Variants in GRID2 observed in about 807,000 individuals in gnomAD.
GRID2 encodes glutamate receptor ionotropic, delta-2.
Under a neutral mutation model 114.8 loss-of-function variants are expected in GRID2, and 33 were observed. That is an observed-to-expected ratio of 0.29 (90% CI 0.22 to 0.38). The LOEUF is 0.38. Among genes scored for constraint, GRID2 ranks in the 10% least tolerant of loss-of-function variants. GRID2 has a pLI of 1.00. For missense variants in GRID2, 1,184 were observed against 1,257.7 expected, an observed-to-expected ratio of 0.94 and a Z score of 0.89; for synonymous variants, 505 against 449.9, an observed-to-expected ratio of 1.12 and a Z score of -1.55.
At chr4:92,436,340 C>G (rs72882137) in intron 1 of GRID2, among the ~76,000 whole-genome samples, 2,683 of 152,088 alleles carry the variant, frequency 0.018, 75 homozygotes, top group African/African-American at 0.061. Context: ...TTAAAAATTT[C>G]TCAAAATACT....
At chr4:93,217,185 C>T (rs1744323820) in intron 6 of GRID2, 1 of 220,490 alleles carries the variant, frequency 4.5e-6, no homozygotes, top group Non-Finnish European at 8.9e-6. Context: ...ACATTTCCCA[C>T]AGGAGAATTT....
intron 1 of GRID2, among the ~76,000 whole-genome samples, chr4:92,477,039 ATG>A (rs70940894): frequency 0.091 from 10,867 of 118,858 alleles, 488 homozygotes; most frequent in East Asian, 0.15. Context: ...ATTTAACTTC[ATG>A]TGTGTGTGTG....
At chr4:92,808,675 A>C (rs1358462382) in intron 2 of GRID2, among the ~76,000 whole-genome samples, 1 of 152,056 alleles carries the variant, frequency 6.6e-6, no homozygotes, top group Non-Finnish European at 1.5e-5. Context: ...AAATAACTGA[A>C]GTATTGGGTT....
At chr4:93,450,723 A>T (rs1341703856) in intron 10 of GRID2, among the ~76,000 whole-genome samples, 1 of 151,812 alleles carries the variant, frequency 6.6e-6, no homozygotes, top group African/African-American at 2.4e-5. Context: ...AAATAATTTT[A>T]AAAATGTATT....
At chr4:92,918,142 G>C (rs1480042133) in intron 2 of GRID2, among the ~76,000 whole-genome samples, 1 of 151,960 alleles carries the variant, frequency 6.6e-6, no homozygotes, top group African/African-American at 2.4e-5. Flanking sequence ...TCATGATTTG[G>C]CTCTCTGTTT....
intron 2 of GRID2, among the ~76,000 whole-genome samples, chr4:92,641,922 A>T (rs78707292): frequency 6.7e-6 from 1 of 150,252 alleles, no homozygotes; most frequent in South Asian, 2.1e-4. Flanking sequence ...CTTTGGAATG[A>T]TGAACCCTAG....
chr4:93,589,873 G>C (rs962046533), intron 13 of GRID2, among the ~76,000 whole-genome samples: 32 of 151,480 alleles, frequency 2.1e-4, no homozygotes, highest in African/African-American at 7.3e-4. Context: ...GTCTGTTCAT[G>C]TCCTTTGCCC....
At chr4:92,941,304 T>A (rs1751107337) in intron 2 of GRID2, among the ~76,000 whole-genome samples, 2 of 152,204 alleles carry the variant, frequency 1.3e-5, no homozygotes, top group African/African-American at 2.4e-5. Flanking sequence ...TGGGAGGGTG[T>A]ATGTGTCAAG....
At chr4:92,457,618 T>C (rs1316819639) in intron 1 of GRID2, among the ~76,000 whole-genome samples, 1 of 152,178 alleles carries the variant, frequency 6.6e-6, no homozygotes, top group Admixed American at 6.5e-5. Context: ...TATTTAAAGT[T>C]GCATTCCACA....
chr4:92,928,991 C>G (rs1243983643), intron 2 of GRID2, among the ~76,000 whole-genome samples: 2 of 151,336 alleles, frequency 1.3e-5, no homozygotes, highest in Non-Finnish European at 3.0e-5. Context: ...TTAAACTGTT[C>G]TAAGTAGGCA....
At chr4:92,604,370 G>A (rs1729358507) in intron 2 of GRID2, among the ~76,000 whole-genome samples, 1 of 152,132 alleles carries the variant, frequency 6.6e-6, no homozygotes, top group African/African-American at 2.4e-5. Context: ...AAAAAGGAAT[G>A]AGATTATGTC....
chr4:92,602,902 C>T (rs181809913), intron 2 of GRID2, among the ~76,000 whole-genome samples: 2 of 152,204 alleles, frequency 1.3e-5, no homozygotes, highest in East Asian at 3.9e-4. Context: ...CATTTCTATA[C>T]ACAAACAACA....
In GRID2 at chr4:92,611,356, T is replaced by C. The variant is rs1729736399; in HGVS notation, c.244+21070T>C. Among the ~76,000 whole-genome samples, 3 of 151,560 alleles carry C rather than the reference T, an allele frequency of 2.0e-5. No homozygotes were observed. The Admixed American group carries it at 2.0e-4, about 10-fold the overall frequency. ...CTTTATATGTACTCATATGATCTCT[T>C]CTTTGTGTGTGCATGAAAACAGAGT... On this transcript the variant is annotated intron_variant, in intron 2 of 15. Coordinates refer to ENST00000282020, the MANE Select transcript of GRID2 (RefSeq NM_001510.4).
chr4:93,608,118 ATATGTGTATATATATACGTC>A (rs1287096840), intron 13 of GRID2, among the ~76,000 whole-genome samples: 4 of 149,286 alleles, frequency 2.7e-5, no homozygotes, highest in Non-Finnish European at 5.9e-5. Context: ...ACACACACAT[ATATGTGTATATATATACGTC>A]TATGTGTATA....
intron 13 of GRID2, among the ~76,000 whole-genome samples, chr4:93,518,738 C>T (rs556799400): frequency 1.3e-5 from 2 of 152,104 alleles, no homozygotes; most frequent in African/African-American, 4.8e-5. Context: ...AAGAAAATAA[C>T]ATTTGAATAC....
chr4:92,953,332 T>A (rs2149137791), intron 2 of GRID2, among the ~76,000 whole-genome samples: 1 of 152,300 alleles, frequency 6.6e-6, no homozygotes, highest in East Asian at 1.9e-4. Context: ...TTTGTTTTCA[T>A]TATAAAGATT....
chr4:92,787,071 A>G (rs1039022569), intron 2 of GRID2, among the ~76,000 whole-genome samples: 3 of 151,924 alleles, frequency 2.0e-5, no homozygotes, highest in Non-Finnish European at 4.4e-5. Context: ...CACAACTGCT[A>G]TTATCAATAC....
chr4:93,295,730 T>C (rs72874948), intron 8 of GRID2, among the ~76,000 whole-genome samples: 8,217 of 152,228 alleles, frequency 0.054, 749 homozygotes, highest in African/African-American at 0.19. Flanking sequence ...GGATAAAGTC[T>C]CTCTTTTAAT....
At chr4:92,505,449 A>G (rs189930484) in intron 1 of GRID2, among the ~76,000 whole-genome samples, 1 of 151,962 alleles carries the variant, frequency 6.6e-6, no homozygotes, top group African/African-American at 2.4e-5. Context: ...GCAAGTTAAC[A>G]TATATAAAAC....
Sources: gnomAD v4.1 joint callset for allele counts (sites outside exome capture counted in the v4.1 genomes callset) on GRCh38, gnomAD v4.1.1 for gene constraint, MANE v1.5 for transcripts, NCBI Gene and HGNC (gene_info 2026-07-23, HGNC 2026-07-21) for gene names.